The following PTPRD variants were observed in gnomAD, a reference collection of about 807,000 sequenced individuals.
PTPRD encodes receptor-type tyrosine-protein phosphatase delta.
A neutral mutation model predicts 214.5 loss-of-function variants in PTPRD; 34 were observed. The observed-to-expected ratio is 0.16, with a 90% CI of 0.12 to 0.21. PTPRD has a LOEUF of 0.21. Ranked by LOEUF, PTPRD falls within the 10% of genes least tolerant of loss-of-function variation. PTPRD has a pLI of 1.00. For synonymous variants in PTPRD, 1,128 were observed against 845.7 expected (o/e 1.33, Z -5.79); for missense variants, 2,545 against 2,398.7 (o/e 1.06, Z -1.27).
chr9:8,351,428 C>T (rs1278978065), intron 39 of PTPRD, among the ~76,000 whole-genome samples: 3 of 150,464 alleles, frequency 2.0e-5, no homozygotes, highest in African/African-American at 4.9e-5. Flanking sequence ...ACAAGGATAA[C>T]ATAATAATCT....
chr9:10,180,638 A>G (rs999456862), intron 3 of PTPRD, among the ~76,000 whole-genome samples: 8 of 150,102 alleles, frequency 5.3e-5, no homozygotes, highest in African/African-American at 2.0e-4. Flanking sequence ...GGGCTAATTT[A>G]CTTTATGAAC....
intron 4 of PTPRD, among the ~76,000 whole-genome samples, chr9:9,977,570 T>G (rs1310034221): frequency 6.6e-6 from 1 of 152,152 alleles, no homozygotes; most frequent in Non-Finnish European, 1.5e-5. Flanking sequence ...TTCCAAGCCT[T>G]TGTTCAAAAA....
intron 29 of PTPRD, among the ~76,000 whole-genome samples, chr9:8,484,644 C>G (rs1448200263): frequency 8.2e-6 from 1 of 122,248 alleles, no homozygotes; most frequent in African/African-American, 3.6e-5. Flanking sequence ...AATAACTTAT[C>G]AATATTAGAC....
At chr9:9,566,054 A>G (rs76631910) in intron 8 of PTPRD, among the ~76,000 whole-genome samples, 3,163 of 152,026 alleles carry the variant, frequency 0.021, 47 homozygotes, top group Admixed American at 0.026. Context: ...CTTGAATTCT[A>G]TGCTGTTAGG....
chr9:8,328,387 C>G (rs1836199935), intron 44 of PTPRD, among the ~76,000 whole-genome samples: 1 of 152,212 alleles, frequency 6.6e-6, no homozygotes, highest in East Asian at 1.9e-4. Flanking sequence ...GAGAGACCTG[C>G]TGTTAGTCTG....
intron 11 of PTPRD, among the ~76,000 whole-genome samples, chr9:8,735,748 A>G (rs1211407939): frequency 6.6e-6 from 1 of 151,946 alleles, no homozygotes; most frequent in Admixed American, 6.5e-5. Context: ...CGTCTCTACT[A>G]AAAACACAAA....
intron 11 of PTPRD, among the ~76,000 whole-genome samples, chr9:8,915,539 A>G (rs1353056165): frequency 2.0e-5 from 3 of 151,972 alleles, no homozygotes; most frequent in South Asian, 2.1e-4. Flanking sequence ...TTACAAGTAT[A>G]CACACACACA....
chr9:9,388,634 A>G (rs1195209059), intron 9 of PTPRD, among the ~76,000 whole-genome samples: 1 of 152,162 alleles, frequency 6.6e-6, no homozygotes, highest in Non-Finnish European at 1.5e-5. Flanking sequence ...TTATGAAGAA[A>G]CATGACTAAA....
intron 11 of PTPRD, chr9:8,858,064 T>TGCC (rs894460288): frequency 9.3e-4 from 145 of 155,266 alleles, no homozygotes; most frequent in African/African-American, 3.4e-3. Flanking sequence ...CTTCTCTCGC[T>TGCC]GCCGCCGCCG....
chr9:8,340,910 T>C (rs1030392026), intron 41 of PTPRD, among the ~76,000 whole-genome samples, 180 bp downstream of exon 41: 2 of 152,078 alleles, frequency 1.3e-5, no homozygotes, highest in Non-Finnish European at 2.9e-5. Context: ...ATTAAACACT[T>C]CATAACTACT....
chr9:9,836,757 G>T (rs1323612186), intron 5 of PTPRD, among the ~76,000 whole-genome samples: 1 of 152,078 alleles, frequency 6.6e-6, no homozygotes, highest in African/African-American at 2.4e-5. Context: ...TATAAAATAA[G>T]GAAGAAAACT....
At chr9:9,351,976 T>A (rs574781809) in intron 9 of PTPRD, among the ~76,000 whole-genome samples, 21 of 152,096 alleles carry the variant, frequency 1.4e-4, no homozygotes, top group African/African-American at 5.1e-4. Context: ...TTTAACTCTA[T>A]CTTCATTCTG....
intron 5 of PTPRD, among the ~76,000 whole-genome samples, chr9:9,769,414 C>G (rs899864819): frequency 1.1e-4 from 17 of 149,986 alleles, no homozygotes; most frequent in African/African-American, 4.2e-4. Context: ...CAAGCTCCGC[C>G]TCCCGGGTTC....
intron 14 of PTPRD, among the ~76,000 whole-genome samples, chr9:8,570,285 A>G (rs541490313): frequency 1.3e-5 from 2 of 152,298 alleles, no homozygotes; most frequent in South Asian, 4.1e-4. Context: ...TATTTGCCAC[A>G]ATACAAATAC....
intron 2 of PTPRD, among the ~76,000 whole-genome samples, chr9:10,530,577 T>C (rs926849134): frequency 1.3e-5 from 2 of 152,098 alleles, no homozygotes; most frequent in Non-Finnish European, 2.9e-5. Flanking sequence ...AGGGAAAGCA[T>C]ACAATGAGCC....
At chr9:10,580,293 C>G (rs1465130303) in intron 2 of PTPRD, among the ~76,000 whole-genome samples, 1 of 152,126 alleles carries the variant, frequency 6.6e-6, no homozygotes, top group East Asian at 1.9e-4. Flanking sequence ...TTTGATATGA[C>G]TATGCCATTT....
intron 9 of PTPRD, among the ~76,000 whole-genome samples, chr9:9,240,065 C>T (rs1161443259): frequency 1.3e-5 from 2 of 152,046 alleles, no homozygotes; most frequent in Non-Finnish European, 1.5e-5. Context: ...GTTTTCATGA[C>T]CCATTCAAGC....
intron 8 of PTPRD, among the ~76,000 whole-genome samples, chr9:9,492,976 A>G (rs1325020471): frequency 6.8e-6 from 1 of 146,770 alleles, no homozygotes; most frequent in Non-Finnish European, 1.5e-5. Flanking sequence ...AGATAAATGT[A>G]TGTGGTCTGA....
intron 3 of PTPRD, among the ~76,000 whole-genome samples, chr9:10,251,315 C>T (rs890329863): frequency 6.6e-6 from 1 of 152,082 alleles, no homozygotes; most frequent in South Asian, 2.1e-4. Flanking sequence ...GAATCTCTAC[C>T]TTTCACAGAT....
Sources: gnomAD v4.1 joint callset for allele counts (sites outside exome capture counted in the v4.1 genomes callset) on GRCh38, gnomAD v4.1.1 for gene constraint, MANE v1.5 for transcripts, NCBI Gene and HGNC (gene_info 2026-07-23, HGNC 2026-07-21) for gene names.